ARHGEF7: variants seen among roughly 807,000 people sequenced by gnomAD.
The protein encoded by ARHGEF7 is Rho guanine nucleotide exchange factor 7, also known as PAK-interacting exchange factor beta.
Under a neutral mutation model 109.8 loss-of-function variants are expected in ARHGEF7, and 33 were observed. The observed-to-expected ratio is 0.30, with a 90% CI of 0.23 to 0.40. The LOEUF is 0.40. ARHGEF7 is among the 10% of genes least tolerant of loss of function. The probability of loss-of-function intolerance (pLI) is 1.00; values close to 1 mark genes in which losing one functional copy is unlikely to be tolerated. For missense variants in ARHGEF7, 938 were observed against 1,098.5 expected, an observed-to-expected ratio of 0.85 and a Z score of 2.07; for synonymous variants, 458 against 424.6, an observed-to-expected ratio of 1.08 and a Z score of -0.97.
intron 1 of ARHGEF7, among the ~76,000 whole-genome samples, chr13:111,121,577 G>T (rs904547661): frequency 6.6e-6 from 1 of 151,432 alleles, no homozygotes; most frequent in African/African-American, 2.4e-5. Context: ...TTGGAGTCTT[G>T]TGTAGGCTTG....
chr13:111,167,820 T>A (rs552557050), intron 2 of ARHGEF7, among the ~76,000 whole-genome samples: 3 of 152,332 alleles, frequency 2.0e-5, no homozygotes, highest in Admixed American at 2.0e-4. Flanking sequence ...GCAGTTTGCC[T>A]ATTTCCACTG....
intron 2 of ARHGEF7, among the ~76,000 whole-genome samples, chr13:111,164,606 G>A (rs1324653665): frequency 6.6e-6 from 1 of 152,220 alleles, no homozygotes. Flanking sequence ...ACTTGGTCTA[G>A]CCTGCTGGTA....
At chr13:111,235,032 T>C (rs1254850588) in intron 6 of ARHGEF7, among the ~76,000 whole-genome samples, 1 of 152,204 alleles carries the variant, frequency 6.6e-6, no homozygotes, top group Non-Finnish European at 1.5e-5. Flanking sequence ...GTAGGAAAAC[T>C]TGAGTTTTAA....
At position 111,172,942 on chromosome 13, in the gene ARHGEF7, A is replaced by G. The variant is rs538490687; in HGVS notation, c.252+18951A>G. Among the ~76,000 whole-genome samples, 21 of 152,346 alleles carry G rather than the reference A, an allele frequency of 1.4e-4. No homozygotes were observed. In the South Asian group the frequency reaches 4.4e-3, roughly 32 times the overall value. On this transcript the variant is annotated intron_variant, in intron 2 of 21. Transcript: ENST00000646102. Reference sequence around the variant, plus strand: ...TTGAGCATCTCAAATATGAAAATCCAAAATCTGAAACGCTCCTGGTCCCAA... The same window carrying G: ...TTGAGCATCTCAAATATGAAAATCCGAAATCTGAAACGCTCCTGGTCCCAA...
intron 12 of ARHGEF7, chr13:111,276,180 C>T (rs1370521045): frequency 1.2e-5 from 2 of 163,006 alleles, no homozygotes; most frequent in Non-Finnish European, 2.7e-5. Context: ...ACATACCCAC[C>T]CACACAGTGA....
At chr13:111,269,722 G>A (rs1481165043) in intron 9 of ARHGEF7, among the ~76,000 whole-genome samples, 1 of 152,154 alleles carries the variant, frequency 6.6e-6, no homozygotes, top group Non-Finnish European at 1.5e-5. Context: ...TGCCGCCACT[G>A]TGGAACATGA....
chr13:111,289,305 A>G (rs2093169127), intron 18 of ARHGEF7, among the ~76,000 whole-genome samples: 1 of 152,182 alleles, frequency 6.6e-6, no homozygotes, highest in African/African-American at 2.4e-5. Flanking sequence ...GAGTGCTGGG[A>G]TTACAGGCGT....
chr13:111,275,391 G>A (rs991247697), intron 11 of ARHGEF7, 141 bp from the exon 12 acceptor site: 3 of 975,132 alleles, frequency 3.1e-6, no homozygotes, highest in Admixed American at 2.7e-5. Flanking sequence ...CTATAATTAA[G>A]CAAATCGCTC....
intron 4 of ARHGEF7, among the ~76,000 whole-genome samples, chr13:111,214,969 T>C (rs1246340738): frequency 2.6e-5 from 4 of 152,230 alleles, no homozygotes; most frequent in African/African-American, 7.2e-5. Flanking sequence ...GTTTTTTTTT[T>C]CAGTGATTTA....
chr13:111,261,859 C>T (rs2091124719), intron 8 of ARHGEF7, among the ~76,000 whole-genome samples: 1 of 152,112 alleles, frequency 6.6e-6, no homozygotes, highest in Non-Finnish European at 1.5e-5. Context: ...CAGTGTGCTC[C>T]TGAATGACCA....
chr13:111,201,711 T>C (rs528641432), intron 2 of ARHGEF7, among the ~76,000 whole-genome samples: 9 of 152,264 alleles, frequency 5.9e-5, no homozygotes, highest in African/African-American at 2.2e-4. Flanking sequence ...ATGAGAAGTC[T>C]GAGGTCTAAG....
chr13:111,274,462 C>T (rs910326878), intron 10 of ARHGEF7, among the ~76,000 whole-genome samples: 14 of 152,156 alleles, frequency 9.2e-5, no homozygotes, highest in African/African-American at 2.2e-4. Flanking sequence ...GTATGTGAGC[C>T]GTGGCAGTGT....
At chr13:111,194,827 C>T (rs1170865685) in intron 2 of ARHGEF7, among the ~76,000 whole-genome samples, 3 of 152,178 alleles carry the variant, frequency 2.0e-5, no homozygotes, top group African/African-American at 7.2e-5. Flanking sequence ...TCCTCAAAGG[C>T]AAAGAGAAAC....
At chr13:111,276,619 C>A (rs377729281) in intron 12 of ARHGEF7, among the ~76,000 whole-genome samples, 1 of 152,136 alleles carries the variant, frequency 6.6e-6, no homozygotes, top group African/African-American at 2.4e-5. Flanking sequence ...CACGACTGAA[C>A]GTAATTAGTG....
intron 5 of ARHGEF7, among the ~76,000 whole-genome samples, chr13:111,222,722 C>G (rs116017414): frequency 6.6e-6 from 1 of 152,376 alleles, no homozygotes; most frequent in African/African-American, 2.4e-5. Context: ...AGCCACCACG[C>G]CCAGCCCAGT....
At chr13:111,185,961 CGTGTGTGTGTGTGTGTGTGTGT>C (rs71127998) in intron 2 of ARHGEF7, among the ~76,000 whole-genome samples, 23 of 135,778 alleles carry the variant, frequency 1.7e-4, no homozygotes, top group Middle Eastern at 3.4e-3. Flanking sequence ...TTTGGGAGCT[CGTGTGTGTGTGTGTGTGTGTGT>C]GTGTGTGTGT....
intron 1 of ARHGEF7, among the ~76,000 whole-genome samples, chr13:111,149,246 GA>G (rs944400762): frequency 2.7e-4 from 37 of 139,310 alleles, no homozygotes; most frequent in African/African-American, 2.4e-4. Flanking sequence ...CACTATCTCT[GA>G]AAAAAAAAAA....
At chr13:111,279,333 T>C (rs970651103) in intron 13 of ARHGEF7, among the ~76,000 whole-genome samples, 1 of 151,820 alleles carries the variant, frequency 6.6e-6, no homozygotes, top group Non-Finnish European at 1.5e-5. Context: ...GGGCTGGGGG[T>C]CTCGGTGAGA....
At chr13:111,122,907 A>G (rs1451640421) in intron 1 of ARHGEF7, among the ~76,000 whole-genome samples, 1 of 152,112 alleles carries the variant, frequency 6.6e-6, no homozygotes, top group African/African-American at 2.4e-5. Flanking sequence ...AACCGTTCAC[A>G]CTGTAGTCTA....
Sources: gnomAD v4.1 joint callset for allele counts (sites outside exome capture counted in the v4.1 genomes callset) on GRCh38, gnomAD v4.1.1 for gene constraint, MANE v1.5 for transcripts, NCBI Gene and HGNC (gene_info 2026-07-23, HGNC 2026-07-21) for gene names.